PDZD2: variants seen among roughly 807,000 people sequenced by gnomAD.
PDZD2 encodes the protein PDZ domain-containing protein 2.
A neutral mutation model predicts 220.7 loss-of-function variants in PDZD2; 90 were observed. That is an observed-to-expected ratio of 0.41 (90% confidence interval 0.34 to 0.49). The LOEUF (loss-of-function observed/expected upper bound fraction) is 0.49. PDZD2 is among the 20% of genes least tolerant of loss of function. The pLI, the probability that PDZD2 is intolerant of heterozygous loss-of-function variation, is 0.28. For missense variants in PDZD2, 3,174 were observed against 3,608.5 expected (o/e 0.88, Z 3.08); for synonymous variants, 1,375 against 1,450.5 (o/e 0.95, Z 1.18).
At chr5:31,759,525 G>A (rs888590051) in intron 1 of PDZD2, among the ~76,000 whole-genome samples, 1 of 147,272 alleles carries the variant, frequency 6.8e-6, no homozygotes, top group African/African-American at 2.5e-5. Context: ...CCTTGCCAAG[G>A]GACTTCTCAG....
chr5:31,792,161 C>T (rs756945743), intron 1 of PDZD2, among the ~76,000 whole-genome samples: 3 of 152,184 alleles, frequency 2.0e-5, no homozygotes, highest in Non-Finnish European at 2.9e-5. Flanking sequence ...GAGCCACACG[C>T]TTCTGACACA....
rs191076943 is a variant in PDZD2, at chr5:31,798,175, G to A, written c.-360-714G>A. ...TGTGTTTAAAAGCAAGGCAAAGAAG[G>A]CACCTGTCTTCTCGCCCAGGCATTT... On this transcript the variant is annotated intron_variant, in intron 1 of 24. Transcript: ENST00000438447. Among the ~76,000 whole-genome samples the A allele has an allele frequency of 6.4e-3, 974 of 152,306 alleles. 9 individuals are homozygous for A. Among genetic ancestry groups the A allele is most frequent in the African/African-American group, 0.022 (933 of 41,558 alleles).
At chr5:31,741,286 A>G (rs1473602322) in intron 1 of PDZD2, among the ~76,000 whole-genome samples, 1 of 151,956 alleles carries the variant, frequency 6.6e-6, no homozygotes, top group Admixed American at 6.6e-5. Context: ...ATTGTGGGTG[A>G]CTTTATTTTC....
At chr5:31,977,699 G>A (rs1386269019) in intron 2 of PDZD2, among the ~76,000 whole-genome samples, 1 of 152,234 alleles carries the variant, frequency 6.6e-6, no homozygotes, top group Non-Finnish European at 1.5e-5. Context: ...CTGGCCAGAC[G>A]CAGTGCCTCG....
At chr5:31,702,184 T>C (rs1747638843) in intron 1 of PDZD2, among the ~76,000 whole-genome samples, 1 of 152,232 alleles carries the variant, frequency 6.6e-6, no homozygotes, top group South Asian at 2.1e-4. Context: ...GGGTGAGAGT[T>C]ATGGAGTTTT....
intron 1 of PDZD2, among the ~76,000 whole-genome samples, chr5:31,717,375 A>G (rs1018549451): frequency 7.2e-5 from 11 of 152,132 alleles, no homozygotes; most frequent in Admixed American, 6.5e-4. Context: ...TGGGAAAGAG[A>G]TGCATACATA....
intron 1 of PDZD2, among the ~76,000 whole-genome samples, chr5:31,704,701 C>T (rs1747740171): frequency 6.6e-6 from 1 of 152,178 alleles, no homozygotes; most frequent in Admixed American, 6.5e-5. Context: ...TGTGTTCTAG[C>T]AATGGAAATC....
Position 31,805,536 on chromosome 5 carries a change from G to T in PDZD2, c.476+5812G>T, listed in dbSNP as rs560869204. Among the ~76,000 whole-genome samples the T allele has an allele frequency of 1.0e-3, 153 of 152,192 alleles. 7 individuals carry two copies. The South Asian group carries it at 0.03, about 30-fold the overall frequency. ...TTAATTGTAAGCAGTGGGTTTCAGG[G>T]GTCAACACACCAACTTACCTGCCAG... On this transcript the variant is annotated intron_variant, in intron 2 of 24. Coordinates refer to ENST00000438447, the MANE Select transcript of PDZD2 (RefSeq NM_178140.4).
intron 2 of PDZD2, among the ~76,000 whole-genome samples, chr5:31,855,441 C>T (rs1157404651): frequency 6.6e-6 from 1 of 152,180 alleles, no homozygotes; most frequent in African/African-American, 2.4e-5. Flanking sequence ...AAGGAGGCGC[C>T]CCGGCTGTGT....
intron 2 of PDZD2, among the ~76,000 whole-genome samples, chr5:31,976,753 G>T (rs1275406161): frequency 1.7e-5 from 2 of 118,758 alleles, no homozygotes; most frequent in Non-Finnish European, 3.2e-5. Flanking sequence ...AGTCTCCCTC[G>T]GTTGCCCAGG....
intron 2 of PDZD2, among the ~76,000 whole-genome samples, chr5:31,948,313 C>T (rs1746836896): frequency 6.6e-6 from 1 of 152,154 alleles, no homozygotes; most frequent in Admixed American, 6.5e-5. Flanking sequence ...TCTTTGATAC[C>T]TCTGCTGCTG....
chr5:31,827,709 A>AGT (rs60679810), intron 2 of PDZD2, among the ~76,000 whole-genome samples: 92,739 of 143,798 alleles, frequency 0.64, 30,798 homozygotes, highest in Non-Finnish European at 0.67. Context: ...ATAAATAAAT[A>AGT]AAAAAATAAA....
intron 2 of PDZD2, among the ~76,000 whole-genome samples, chr5:31,976,699 CT>C (rs1195178825): frequency 1.5e-5 from 2 of 136,586 alleles, no homozygotes; most frequent in African/African-American, 2.7e-5. Flanking sequence ...CTTTCTTTTC[CT>C]TTTTTTCTTC....
In PDZD2 at chr5:32,089,530, G is replaced by A; in HGVS notation, c.6082G>A (p.Ala2028Thr). Reference protein sequence around the residue: ...KSPKCRAEGRAPRADSGPVSP... With the variant: ...KSPKCRAEGRTPRADSGPVSP... ...TCCTAAGTGTAGAGCAGAGGGCAGG[G>A]CGCCCCGTGCTGACTCCGGGCCGGT... The change falls in exon 20 of 25, where the codon GCG becomes ACG. Residue 2028 changes from alanine (A) to threonine (T), a missense_variant. Physicochemically the swap from Ala to Thr is moderately conservative, Grantham distance 58. Coordinates refer to ENST00000438447, the MANE Select transcript of PDZD2 (RefSeq NM_178140.4). 1 of 1,605,666 alleles carries A rather than the reference G, an allele frequency of 6.2e-7. No homozygotes were observed. Among genetic ancestry groups the A allele is most frequent in the Non-Finnish European group, 8.5e-7 (1 of 1,177,198 alleles).
chr5:31,850,008 AC>A, intron 2 of PDZD2, among the ~76,000 whole-genome samples: 2 of 78,416 alleles, frequency 2.6e-5, no homozygotes, highest in Non-Finnish European at 4.8e-5. Context: ...ATATATATAT[AC>A]ACACACACGT....
chr5:31,988,441 TG>T (rs35769390), intron 3 of PDZD2, among the ~76,000 whole-genome samples: 1 of 146,376 alleles, frequency 6.8e-6, no homozygotes, highest in South Asian at 2.2e-4. Flanking sequence ...GAGATGGGGG[TG>T]GGGGGGGTGC....
At chr5:31,979,068 C>G (rs1750042302) in intron 2 of PDZD2, among the ~76,000 whole-genome samples, 2 of 152,128 alleles carry the variant, frequency 1.3e-5, no homozygotes, top group African/African-American at 2.4e-5. Flanking sequence ...AGAAAGATAT[C>G]TAAGTTCTTA....
chr5:31,831,256 G>C (rs1200726260), intron 2 of PDZD2, among the ~76,000 whole-genome samples: 1 of 152,116 alleles, frequency 6.6e-6, no homozygotes, highest in African/African-American at 2.4e-5. Context: ...GGCTGAGGCA[G>C]TGGATCACGA....
intron 2 of PDZD2, among the ~76,000 whole-genome samples, chr5:31,885,453 AAGT>A (rs1238034256): frequency 3.3e-5 from 5 of 152,216 alleles, no homozygotes; most frequent in African/African-American, 1.2e-4. Flanking sequence ...TGTTCTAAAG[AAGT>A]ACTTGCATCT....
Sources: gnomAD v4.1 joint callset for allele counts (sites outside exome capture counted in the v4.1 genomes callset) on GRCh38, gnomAD v4.1.1 for gene constraint, MANE v1.5 for transcripts, NCBI Gene and HGNC (gene_info 2026-07-23, HGNC 2026-07-21) for gene names.